Variants in UNC13C observed in about 807,000 individuals in gnomAD.
UNC13C encodes the protein protein unc-13 homolog C.
Under a neutral mutation model 245.4 loss-of-function variants are expected in UNC13C, and 174 were observed. The observed-to-expected ratio is 0.71, with a 90% CI of 0.63 to 0.80. The LOEUF is 0.80. Among genes scored for constraint, UNC13C ranks in the 30% least tolerant of loss-of-function variants. UNC13C has a pLI of 0.00. For missense variants in UNC13C, 2,829 were observed against 2,602.9 expected, an observed-to-expected ratio of 1.09 and a Z score of -1.89; for synonymous variants, 992 against 895.1, an observed-to-expected ratio of 1.11 and a Z score of -1.93.
intron 14 of UNC13C, among the ~76,000 whole-genome samples, chr15:54,330,175 T>C (rs905667496): frequency 7.9e-5 from 12 of 152,072 alleles, no homozygotes; most frequent in African/African-American, 2.7e-4. Context: ...TTGAAAAGTC[T>C]GAATGCTATA....
At chr15:54,416,752 T>C (rs565021593) in intron 19 of UNC13C, 34 of 368,312 alleles carry the variant, frequency 9.2e-5, no homozygotes, top group South Asian at 6.5e-4. Context: ...TTAGGGTCTG[T>C]ATAGATTCTT....
At chr15:54,499,804 T>C (rs1445811249) in intron 20 of UNC13C, among the ~76,000 whole-genome samples, 1 of 152,102 alleles carries the variant, frequency 6.6e-6, no homozygotes, top group Non-Finnish European at 1.5e-5. Context: ...TACAAGAGTT[T>C]GAATTTTGAA....
intron 4 of UNC13C, among the ~76,000 whole-genome samples, chr15:54,178,757 C>A (rs967137155): frequency 1.6e-4 from 25 of 152,204 alleles, no homozygotes; most frequent in African/African-American, 6.0e-4. Flanking sequence ...TTCTGTTTGC[C>A]CCCTCACCTA....
At chr15:54,212,197 C>A (rs2034901482) in intron 4 of UNC13C, among the ~76,000 whole-genome samples, 1 of 152,038 alleles carries the variant, frequency 6.6e-6, no homozygotes. Flanking sequence ...GAAATAATCA[C>A]AAAATGGTAA....
Position 54,500,935 on chromosome 15 carries a change from C to G in UNC13C, c.5258C>G (p.Pro1753Arg), listed in dbSNP as rs1218834328. 11 of 1,612,852 alleles carry G rather than the reference C, an allele frequency of 6.8e-6. No individual in the cohort carries two copies. Among genetic ancestry groups the G allele is most frequent in the Non-Finnish European group, 8.5e-6 (10 of 1,179,242 alleles). ...GAAATTATTAAGAAACTGGAATGCC[C>G]TAATCCTGAAGCATTATCTCACTTA... Reference protein sequence around the residue: ...SFEIIKKLECPNPEALSHLMR... With the variant: ...SFEIIKKLECRNPEALSHLMR... Residue 1753 changes from proline to arginine, a missense_variant, in exon 22 of 33, where the codon CCT (proline) becomes CGT (arginine). Pro to Arg is a moderately radical substitution (Grantham distance 103). Coordinates refer to ENST00000260323, the MANE Select transcript of UNC13C (RefSeq NM_001080534.3).
At chr15:53,933,269 TG>T in the UNC13C span, among the ~76,000 whole-genome samples, 1 of 152,172 alleles carries the variant, frequency 6.6e-6, no homozygotes, top group African/African-American at 2.4e-5. Context: ...TTTGTGGCCC[TG>T]CTTAATAATT....
intron 2 of UNC13C, among the ~76,000 whole-genome samples, chr15:54,118,895 T>C (rs929725726): frequency 3.3e-5 from 5 of 151,400 alleles, no homozygotes; most frequent in African/African-American, 1.2e-4. Flanking sequence ...ATTGAAATGA[T>C]CTTACGGTTT....
intron 19 of UNC13C, among the ~76,000 whole-genome samples, chr15:54,483,747 G>A (rs5017622): frequency 2.0e-5 from 3 of 151,932 alleles, no homozygotes; most frequent in Non-Finnish European, 4.4e-5. Flanking sequence ...GAGCCACTGC[G>A]CCCAGCCCTG....
At chr15:54,356,964 T>C (rs1300487075) in intron 17 of UNC13C, among the ~76,000 whole-genome samples, 1 of 152,136 alleles carries the variant, frequency 6.6e-6, no homozygotes, top group African/African-American at 2.4e-5. Context: ...TAGGACCTTG[T>C]TCTATTTTAA....
At chr15:54,423,160 A>G (rs2140963171) in intron 19 of UNC13C, among the ~76,000 whole-genome samples, 1 of 151,844 alleles carries the variant, frequency 6.6e-6, no homozygotes, top group Admixed American at 6.6e-5. Context: ...ATGTATATAT[A>G]TTTAAATTCT....
At chr15:54,195,758 C>A (rs976280133) in intron 4 of UNC13C, among the ~76,000 whole-genome samples, 3 of 152,088 alleles carry the variant, frequency 2.0e-5, no homozygotes, top group African/African-American at 7.2e-5. Flanking sequence ...TATAATATGA[C>A]ATTGCAGAGA....
At chr15:54,513,129 G>C (rs1474552054) in intron 24 of UNC13C, among the ~76,000 whole-genome samples, 1 of 152,066 alleles carries the variant, frequency 6.6e-6, no homozygotes, top group Non-Finnish European at 1.5e-5. Context: ...TGCTGAATTA[G>C]GTAAGCACAA....
At chr15:53,863,655 A>G in the UNC13C span, among the ~76,000 whole-genome samples, 7 of 152,226 alleles carry the variant, frequency 4.6e-5, no homozygotes, top group African/African-American at 1.4e-4. Flanking sequence ...TATCATACTC[A>G]GAGCATTTAA....
At chr15:54,177,363 A>G (rs1277959186) in intron 4 of UNC13C, among the ~76,000 whole-genome samples, 1 of 152,146 alleles carries the variant, frequency 6.6e-6, no homozygotes, top group African/African-American at 2.4e-5. Flanking sequence ...TATTTTTTAA[A>G]CACACATACA....
intron 17 of UNC13C, among the ~76,000 whole-genome samples, chr15:54,381,913 T>C (rs570452700): frequency 1.3e-5 from 2 of 152,298 alleles, no homozygotes; most frequent in African/African-American, 4.8e-5. Flanking sequence ...ATCTAACAGA[T>C]ACTTACAGAG....
At chr15:54,456,692 T>C (rs961747868) in intron 19 of UNC13C, among the ~76,000 whole-genome samples, 5 of 151,972 alleles carry the variant, frequency 3.3e-5, no homozygotes, top group Middle Eastern at 3.4e-3. Context: ...TCACTACTGG[T>C]GTATAGCAAT....
At chr15:54,100,310 A>G (rs575511550) in intron 2 of UNC13C, among the ~76,000 whole-genome samples, 1 of 152,170 alleles carries the variant, frequency 6.6e-6, no homozygotes, top group African/African-American at 2.4e-5. Context: ...AATAAAATCC[A>G]CACTGTCAAA....
intron 2 of UNC13C, among the ~76,000 whole-genome samples, chr15:54,099,071 T>A (rs1454602271): frequency 6.6e-6 from 1 of 152,232 alleles, no homozygotes; most frequent in Non-Finnish European, 1.5e-5. Flanking sequence ...CCCTTGGTTT[T>A]AATCAAATAT....
At chr15:54,271,637 A>G (rs1344772763) in intron 10 of UNC13C, among the ~76,000 whole-genome samples, 2 of 152,206 alleles carry the variant, frequency 1.3e-5, no homozygotes, top group East Asian at 1.9e-4. Flanking sequence ...TGAAATAAAA[A>G]CAAATTTCAT....
Sources: allele counts gnomAD v4.1 joint callset (sites outside exome capture counted in the v4.1 genomes callset), GRCh38; gene constraint gnomAD v4.1.1; transcripts MANE v1.5; gene names NCBI Gene and HGNC (gene_info 2026-07-23, HGNC 2026-07-21).